Variants in AGL observed in about 807,000 individuals in gnomAD.
AGL encodes amylo-alpha-1,6-glucosidase and 4-alpha-glucanotransferase.
Under a neutral mutation model 199.3 loss-of-function variants are expected in AGL, and 128 were observed. The observed-to-expected ratio is 0.64, with a 90% CI of 0.56 to 0.74. The LOEUF (loss-of-function observed/expected upper bound fraction) is 0.74. Ranked by LOEUF, AGL falls within the 30% of genes least tolerant of loss-of-function variation. AGL has a pLI of 0.00. For missense variants in AGL, 1,809 were observed against 1,820.8 expected, an observed-to-expected ratio of 0.99 and a Z score of 0.12; for synonymous variants, 584 against 594.7, an observed-to-expected ratio of 0.98 and a Z score of 0.26.
At chr1:99,866,561 T>G (rs1650528320) in intron 5 of AGL, among the ~76,000 whole-genome samples, 1 of 152,186 alleles carries the variant, frequency 6.6e-6, no homozygotes, top group African/African-American at 2.4e-5. Flanking sequence ...ATACCTACCT[T>G]AAAGGAGACC....
At chr1:99,912,596 C>G (rs1654828986) in intron 29 of AGL, 79 bp downstream of exon 29, 9 of 1,038,020 alleles carry the variant, frequency 8.7e-6, no homozygotes, top group African/African-American at 1.6e-5. Context: ...TCATTTGATT[C>G]TATCAGCTAA....
intron 21 of AGL, 45 bp downstream of exon 21, chr1:99,888,153 G>A: frequency 1.2e-6 from 2 of 1,606,284 alleles, no homozygotes; most frequent in Non-Finnish European, 1.7e-6. Context: ...TTTCTTTTAG[G>A]GTCATCTGGT....
intron 2 of AGL, among the ~76,000 whole-genome samples, chr1:99,855,313 A>G (rs190207775): frequency 6.6e-6 from 1 of 152,238 alleles, no homozygotes; most frequent in Admixed American, 6.5e-5. Context: ...TGGCTGTTTC[A>G]TATTTAATTG....
intron 29 of AGL, among the ~76,000 whole-genome samples, chr1:99,913,066 A>G (rs1164829356): frequency 1.3e-5 from 2 of 152,068 alleles, no homozygotes; most frequent in Non-Finnish European, 2.9e-5. Context: ...CAAGAAATAC[A>G]AAAATTAGTA....
chr1:99,921,774 T>G lies in AGL; in HGVS notation c.*123T>G. On this transcript the variant is annotated 3_prime_UTR_variant, in exon 34 of 34. Transcript: ENST00000361915. ...ATCTCATTTATTATAATATTGATGC[T>G]CAATTAGGTAAGATTGTAAAAGCAT... The G allele has an allele frequency of 3.2e-6, 2 of 628,684 alleles. No homozygotes were observed. The highest frequency in any genetic ancestry group is 5.5e-6 in the Non-Finnish European group (2 of 364,162). 38.9% of individuals were successfully genotyped at this position (628,684 alleles called of 1,614,324 possible).
intron 31 of AGL, 40 bp from the exon 32 acceptor site, chr1:99,916,370 G>T (rs1474073490): frequency 7.0e-7 from 1 of 1,435,370 alleles, no homozygotes; most frequent in South Asian, 1.2e-5. Context: ...CATAATATCT[G>T]ATCATCTTTT....
intron 27 of AGL, among the ~76,000 whole-genome samples, chr1:99,908,843 G>T (rs915925967): frequency 1.3e-5 from 2 of 152,096 alleles, no homozygotes; most frequent in African/African-American, 4.8e-5. Context: ...TTAATATTTA[G>T]CAAGGTTATT....
At chr1:99,872,032 A>G (rs1324654604) in intron 7 of AGL, among the ~76,000 whole-genome samples, 1 of 152,150 alleles carries the variant, frequency 6.6e-6, no homozygotes, top group East Asian at 1.9e-4. Flanking sequence ...ATAAGAACAT[A>G]AATTGTCAAC....
intron 7 of AGL, 108 bp downstream of exon 7, chr1:99,870,977 A>G (rs1650949213): frequency 4.2e-6 from 3 of 720,336 alleles, no homozygotes; most frequent in South Asian, 1.7e-5. Context: ...ATTGTATTAT[A>G]TTTGTGTTAT....
chr1:99,879,776 G>T, intron 12 of AGL, 147 bp from the exon 13 acceptor site: 1 of 670,368 alleles, frequency 1.5e-6, no homozygotes, highest in East Asian at 2.8e-5. Flanking sequence ...AAATTCTCTT[G>T]TTTCTATGTG....
chr1:99,913,741 A>G lies in AGL; in HGVS notation c.4161+3A>G. ...ATTTTACCATAGCAATGGTTGTGGT[A>G]GGTGATTCGTTTGTAAAAACATTTC... On this transcript the variant is annotated splice_donor_region_variant and intron_variant, in intron 30 of 33. Coordinates refer to ENST00000361915, the MANE Select transcript of AGL (RefSeq NM_000642.3). 6.2e-7 allele frequency: 1 copy of G among 1,613,216 alleles called. No homozygotes were observed. Among genetic ancestry groups the G allele is most frequent in the Non-Finnish European group, 8.5e-7 (1 of 1,179,164 alleles).
intron 2 of AGL, among the ~76,000 whole-genome samples, chr1:99,860,793 G>T (rs1184463412): frequency 6.6e-6 from 1 of 152,130 alleles, no homozygotes; most frequent in Non-Finnish European, 1.5e-5. Flanking sequence ...GTTCAATGTT[G>T]TCGTGTTGGT....
chr1:99,921,820 A>G lies in AGL; in HGVS notation c.*169A>G, dbSNP rs1655532009. ...AGCATTGATTTTTTTTAATGTACAG[A>G]GGTAGATTTCAATTTGAATCAGAAA... On this transcript the variant is annotated 3_prime_UTR_variant, in exon 34 of 34. Transcript: ENST00000361915. 1 of 456,152 alleles carries G rather than the reference A, an allele frequency of 2.2e-6. No individual in the cohort carries two copies. Among genetic ancestry groups the G allele is most frequent in the Non-Finnish European group, 3.9e-6 (1 of 258,714 alleles). The allele number at this position is 456,152 out of a possible 1,614,324, so 28.3% of individuals were successfully genotyped here. A position where few individuals can be genotyped will look rare whatever the true frequency, so the allele number is the denominator to read the frequency against.
intron 27 of AGL, among the ~76,000 whole-genome samples, chr1:99,906,632 G>A (rs1312331234): frequency 2.6e-5 from 4 of 152,186 alleles, no homozygotes; most frequent in Admixed American, 2.6e-4. Flanking sequence ...AAATCATGCA[G>A]TATTTGTTCT....
chr1:99,881,008 T>G (rs1651969210), intron 14 of AGL, 68 bp from the exon 15 acceptor site: 1 of 1,341,428 alleles, frequency 7.5e-7, no homozygotes. Context: ...TTTACTTCAT[T>G]ATGCTATAGA....
At chr1:99,865,933 C>T (rs1650469436) in intron 5 of AGL, among the ~76,000 whole-genome samples, 1 of 152,162 alleles carries the variant, frequency 6.6e-6, no homozygotes, top group African/African-American at 2.4e-5. Context: ...ACGGTGAAAA[C>T]TTCATAATAC....
At chr1:99,849,789 C>G (rs952942111), upstream of AGL, among the ~76,000 whole-genome samples, 1 of 152,246 alleles carries the variant, frequency 6.6e-6, no homozygotes, top group Non-Finnish European at 1.5e-5. Context: ...ACAAAAGACA[C>G]CAGAAGCCAG....
chr1:99,919,650 AG>A, intron 33 of AGL, among the ~76,000 whole-genome samples: 1 of 152,194 alleles, frequency 6.6e-6, no homozygotes, highest in Non-Finnish European at 1.5e-5. Context: ...TGAAAACCTG[AG>A]TTTACACCAG....
intron 5 of AGL, among the ~76,000 whole-genome samples, chr1:99,865,110 C>A (rs656572): frequency 0.74 from 113,089 of 152,030 alleles, 42,877 homozygotes; most frequent in African/African-American, 0.91. Context: ...TACTACCTGT[C>A]CACCAGTTAC....
Sources: gnomAD v4.1 joint callset for allele counts (sites outside exome capture counted in the v4.1 genomes callset) on GRCh38, gnomAD v4.1.1 for gene constraint, MANE v1.5 for transcripts, NCBI Gene and HGNC (gene_info 2026-07-23, HGNC 2026-07-21) for gene names.